CFAP54: variants seen among roughly 807,000 people sequenced by gnomAD.
CFAP54 encodes cilia and flagella associated protein 54, also known as cilia- and flagella-associated protein 54.
A neutral mutation model predicts 370.4 loss-of-function variants in CFAP54; 290 were observed. The observed-to-expected ratio is 0.78, with a 90% CI of 0.71 to 0.86. The LOEUF (loss-of-function observed/expected upper bound fraction) is 0.86. Ranked by LOEUF, CFAP54 falls within the 40% of genes least tolerant of loss-of-function variation. The pLI is 0.00. For missense variants in CFAP54, 3,399 were observed against 3,528.7 expected, an observed-to-expected ratio of 0.96 and a Z score of 0.93; for synonymous variants, 1,206 against 1,236.5, an observed-to-expected ratio of 0.98 and a Z score of 0.52.
intron 60 of CFAP54, among the ~76,000 whole-genome samples, chr12:96,771,639 G>A (rs1210797304): frequency 5.3e-5 from 8 of 151,998 alleles, no homozygotes; most frequent in East Asian, 1.9e-4. Flanking sequence ...GCAAAAGAGC[G>A]AGACTCCGCC....
At chr12:96,519,803 C>T (rs530441705) in intron 6 of CFAP54, among the ~76,000 whole-genome samples, 3 of 152,280 alleles carry the variant, frequency 2.0e-5, no homozygotes, top group South Asian at 4.1e-4. Context: ...AATCTATTTA[C>T]TAGTAATTTT....
intron 63 of CFAP54, among the ~76,000 whole-genome samples, chr12:96,796,823 T>C (rs1592767071): frequency 6.6e-6 from 1 of 152,274 alleles, no homozygotes; most frequent in East Asian, 1.9e-4. Context: ...TGTATTCTCC[T>C]CTTTTTCTTG....
chr12:96,606,018 C>A lies in CFAP54; in HGVS notation c.3639+7251C>A, dbSNP rs80247213. ...AGGCATCCTTTATTTAAAAAGAAAC[C>A]AACATCATCTCACAGAGCTTGTGAT... On this transcript the variant is annotated intron_variant, in intron 26 of 67. Coordinates refer to ENST00000524981, the MANE Select transcript of CFAP54 (RefSeq NM_001306084.2). 4.0e-3 allele frequency among the ~76,000 whole-genome samples: 610 copies of A among 151,116 alleles called. 3 individuals carry two copies. Among genetic ancestry groups the A allele is most frequent in the African/African-American group, 0.014 (585 of 41,070 alleles).
intron 66 of CFAP54, among the ~76,000 whole-genome samples, chr12:96,835,516 C>A (rs11613654): frequency 1.5e-3 from 226 of 152,256 alleles, no homozygotes; most frequent in Non-Finnish European, 2.8e-3. Flanking sequence ...CCCTTCTGCC[C>A]AGGAACCTGT....
intron 48 of CFAP54, among the ~76,000 whole-genome samples, chr12:96,714,879 A>C (rs373943641): frequency 2.6e-5 from 4 of 152,110 alleles, no homozygotes; most frequent in East Asian, 3.9e-4. Flanking sequence ...TGGAGTGAGG[A>C]GATATCTAAC....
At chr12:96,656,238 CATTTCTCAGTGTTGTTT>C (rs944554775) in intron 36 of CFAP54, among the ~76,000 whole-genome samples, 2 of 152,076 alleles carry the variant, frequency 1.3e-5, no homozygotes, top group African/African-American at 4.8e-5. Flanking sequence ...CAGTCTTGTT[CATTTCTCAGTGTTGTTT>C]ATTTCTCAAT....
chr12:96,589,676 T>C, intron 23 of CFAP54, 113 bp downstream of exon 23: 4 of 659,084 alleles, frequency 6.1e-6, no homozygotes, highest in Admixed American at 3.0e-5. Context: ...TATACAATCA[T>C]CATTTCTAAT....
intron 62 of CFAP54, among the ~76,000 whole-genome samples, chr12:96,789,366 G>T (rs1281039722): frequency 1.3e-5 from 2 of 152,306 alleles, no homozygotes; most frequent in East Asian, 1.9e-4. Context: ...GGCACAGTGG[G>T]AGTAGAATGA....
chr12:96,552,929 T>C (rs1286102965), intron 15 of CFAP54, among the ~76,000 whole-genome samples: 1 of 152,216 alleles, frequency 6.6e-6, no homozygotes, highest in Non-Finnish European at 1.5e-5. Flanking sequence ...GAGATACTTC[T>C]TAATCCATAG....
intron 67 of CFAP54, among the ~76,000 whole-genome samples, chr12:96,865,905 T>C (rs1324691381): frequency 6.6e-6 from 1 of 152,074 alleles, no homozygotes; most frequent in Non-Finnish European, 1.5e-5. Flanking sequence ...GAAAACTCAA[T>C]CTATGAAACT....
At chr12:96,847,053 T>C (rs757827987) in intron 66 of CFAP54, among the ~76,000 whole-genome samples, 3 of 152,060 alleles carry the variant, frequency 2.0e-5, no homozygotes, top group Admixed American at 6.6e-5. Flanking sequence ...TCTGCCCAAC[T>C]AGATATTTAG....
At chr12:96,749,462 T>C (rs1356421942) in intron 55 of CFAP54, among the ~76,000 whole-genome samples, 1 of 152,232 alleles carries the variant, frequency 6.6e-6, no homozygotes, top group Non-Finnish European at 1.5e-5. Context: ...GGCACTTACT[T>C]GATAAGATTG....
chr12:96,767,336 G>A (rs1958411039), intron 60 of CFAP54, among the ~76,000 whole-genome samples: 3 of 152,260 alleles, frequency 2.0e-5, no homozygotes, highest in Non-Finnish European at 4.4e-5. Flanking sequence ...GGGGCACACA[G>A]TGGAAAATGG....
At chr12:96,698,398 T>A (rs959010923) in intron 45 of CFAP54, among the ~76,000 whole-genome samples, 3 of 152,192 alleles carry the variant, frequency 2.0e-5, no homozygotes, top group East Asian at 1.9e-4. Context: ...GTAGCACTAT[T>A]CACAATAGCA....
chr12:96,867,467 G>A (rs1217707494), intron 67 of CFAP54, among the ~76,000 whole-genome samples: 1 of 152,124 alleles, frequency 6.6e-6, no homozygotes, highest in Admixed American at 6.6e-5. Flanking sequence ...GTTCATTGCA[G>A]CATTACTCTC....
chr12:96,492,044 G>A (rs1458719914), intron 1 of CFAP54, among the ~76,000 whole-genome samples: 1 of 152,158 alleles, frequency 6.6e-6, no homozygotes, highest in Non-Finnish European at 1.5e-5. Flanking sequence ...ACAGGCATGA[G>A]CCACCTTGCC....
intron 51 of CFAP54, among the ~76,000 whole-genome samples, chr12:96,740,791 T>G (rs1958041718): frequency 6.6e-6 from 1 of 152,118 alleles, no homozygotes. Context: ...TGGGGGTGAT[T>G]TTGCCTCCCG....
chr12:96,860,262 T>C (rs1020908442), intron 66 of CFAP54, among the ~76,000 whole-genome samples: 1 of 152,114 alleles, frequency 6.6e-6, no homozygotes, highest in Non-Finnish European at 1.5e-5. Context: ...ATTTGTTTTC[T>C]TTCCGTCATT....
intron 48 of CFAP54, among the ~76,000 whole-genome samples, chr12:96,717,407 A>G (rs1291389947): frequency 6.6e-6 from 1 of 152,210 alleles, no homozygotes; most frequent in East Asian, 1.9e-4. Context: ...GTTGCTGTTG[A>G]AAGAGGAGAG....
Sources: allele counts gnomAD v4.1 joint callset (sites outside exome capture counted in the v4.1 genomes callset), GRCh38; gene constraint gnomAD v4.1.1; transcripts MANE v1.5; gene names NCBI Gene and HGNC (gene_info 2026-07-23, HGNC 2026-07-21).